TSPAN5: variants seen among roughly 807,000 people sequenced by gnomAD.
TSPAN5 encodes the protein tetraspanin-5.
A neutral mutation model predicts 37.1 loss-of-function variants in TSPAN5; 10 were observed. The observed-to-expected ratio is 0.27, with a 90% CI of 0.17 to 0.46. The LOEUF is 0.46. Among genes scored for constraint, TSPAN5 ranks in the 20% least tolerant of loss-of-function variants. TSPAN5 has a pLI of 1.00. For synonymous variants in TSPAN5, 110 were observed against 118.9 expected, an observed-to-expected ratio of 0.93 and a Z score of 0.48; for missense variants, 195 against 326.6, an observed-to-expected ratio of 0.60 and a Z score of 3.11.
chr4:98,523,513 C>T (rs1753899453), intron 1 of TSPAN5, among the ~76,000 whole-genome samples: 1 of 152,272 alleles, frequency 6.6e-6, no homozygotes, highest in Non-Finnish European at 1.5e-5. Flanking sequence ...CGGCTCACTG[C>T]AACCTCTGCC....
rs10555303 is a variant in TSPAN5, at chr4:98,495,531, C to CA, written c.133-8648dup. 3.5e-3 allele frequency among the ~76,000 whole-genome samples: 458 copies of CA among 130,866 alleles called. 3 individuals are homozygous for CA. The highest frequency in any genetic ancestry group is 8.2e-3 in the African/African-American group (292 of 35,616). 85.9% of individuals were successfully genotyped at this position (130,866 alleles called of 152,430 possible). A position where few individuals can be genotyped will look rare whatever the true frequency, so the allele number is the denominator to read the frequency against. On this transcript the variant is annotated intron_variant, in intron 2 of 7. Coordinates refer to ENST00000305798, the MANE Select transcript of TSPAN5 (RefSeq NM_005723.4). ...CGGGAGACAGAGAGAGCCTCCGTCTCAAAAAAAAAAAAAAAAAAAAGGACA... is the reference window on the plus strand; with the variant it reads ...CGGGAGACAGAGAGAGCCTCCGTCTCAAAAAAAAAAAAAAAAAAAAAGGACA...
chr4:98,497,438 C>T (rs971263746), intron 2 of TSPAN5, among the ~76,000 whole-genome samples: 4 of 152,078 alleles, frequency 2.6e-5, no homozygotes, highest in Admixed American at 2.0e-4. Context: ...CTGAATCTGT[C>T]ACCACCTTGA....
intron 1 of TSPAN5, among the ~76,000 whole-genome samples, chr4:98,571,260 G>A (rs182842328): frequency 3.9e-5 from 6 of 152,186 alleles, no homozygotes; most frequent in Admixed American, 2.0e-4. Context: ...GAAGAACCGC[G>A]TGGACCCTGA....
At chr4:98,650,865 G>A (rs542825619) in intron 1 of TSPAN5, among the ~76,000 whole-genome samples, 1 of 152,296 alleles carries the variant, frequency 6.6e-6, no homozygotes, top group Admixed American at 6.5e-5. Flanking sequence ...AAGAGCACAG[G>A]AGCCAATGTG....
intron 1 of TSPAN5, among the ~76,000 whole-genome samples, chr4:98,608,679 CACA>C (rs1756100498): frequency 6.6e-6 from 1 of 152,110 alleles, no homozygotes; most frequent in Admixed American, 6.5e-5. Flanking sequence ...AAAGAAAATC[CACA>C]ACATGTTGCC....
At chr4:98,640,790 A>G (rs898777607) in intron 1 of TSPAN5, among the ~76,000 whole-genome samples, 3 of 152,108 alleles carry the variant, frequency 2.0e-5, no homozygotes, top group African/African-American at 4.8e-5. Context: ...CACTGACAAC[A>G]CCTTTTCCCA....
chr4:98,547,699 C>T (rs1754499642), intron 1 of TSPAN5, among the ~76,000 whole-genome samples: 1 of 152,108 alleles, frequency 6.6e-6, no homozygotes, highest in African/African-American at 2.4e-5. Flanking sequence ...AGCTACACAT[C>T]CTTACTCAGG....
At chr4:98,587,638 C>G (rs1306496849) in intron 1 of TSPAN5, among the ~76,000 whole-genome samples, 3 of 152,080 alleles carry the variant, frequency 2.0e-5, no homozygotes. Flanking sequence ...GCCTGTAATC[C>G]CAGCACTTTA....
chr4:98,547,615 T>C (rs1189457850), intron 1 of TSPAN5, among the ~76,000 whole-genome samples: 5 of 152,180 alleles, frequency 3.3e-5, no homozygotes, highest in African/African-American at 1.2e-4. Context: ...CTATTTTCTG[T>C]CAGTGTTAAA....
In TSPAN5 at chr4:98,645,768, G is replaced by T. The variant is rs1431154142; in HGVS notation, c.81+12378C>A. Among the ~76,000 whole-genome samples, 3 of 152,336 alleles carry T rather than the reference G, an allele frequency of 2.0e-5. No homozygotes were observed. In the South Asian group the frequency reaches 6.2e-4, roughly 32 times the overall value. On this transcript the variant is annotated intron_variant, in intron 1 of 7. Coordinates refer to ENST00000305798, the MANE Select transcript of TSPAN5 (RefSeq NM_005723.4). ...GAGTCACAACCCATCTGAGGACCATGAGGTTGATTAATGAATCTAAACCAG... is the reference window on the plus strand; with the variant it reads ...GAGTCACAACCCATCTGAGGACCATTAGGTTGATTAATGAATCTAAACCAG...
chr4:98,584,795 A>C (rs1175410913), intron 1 of TSPAN5, among the ~76,000 whole-genome samples: 1 of 152,248 alleles, frequency 6.6e-6, no homozygotes, highest in Non-Finnish European at 1.5e-5. Context: ...ACTTCAGAAA[A>C]GATGGAGTGA....
chr4:98,606,519 A>C (rs1055232482), intron 1 of TSPAN5, among the ~76,000 whole-genome samples: 1 of 152,214 alleles, frequency 6.6e-6, no homozygotes, highest in South Asian at 2.1e-4. Flanking sequence ...GTGTCTAAAT[A>C]TTTGACTTCC....
intron 1 of TSPAN5, among the ~76,000 whole-genome samples, chr4:98,618,462 A>G (rs1279393426): frequency 2.6e-5 from 4 of 152,378 alleles, no homozygotes; most frequent in East Asian, 3.9e-4. Context: ...TTACATTTGT[A>G]TAATAGCAGT....
chr4:98,657,261 C>G (rs941235872), intron 1 of TSPAN5, among the ~76,000 whole-genome samples: 1 of 152,062 alleles, frequency 6.6e-6, no homozygotes, highest in African/African-American at 2.4e-5. Flanking sequence ...CAATAGGTTC[C>G]CAACACATTG....
intron 2 of TSPAN5, among the ~76,000 whole-genome samples, chr4:98,501,784 T>G (rs1216038447): frequency 6.6e-6 from 1 of 151,866 alleles, no homozygotes; most frequent in East Asian, 1.9e-4. Context: ...TGGCTTTGAG[T>G]GAGAAGATAA....
At chr4:98,634,258 G>C (rs1436258695) in intron 1 of TSPAN5, among the ~76,000 whole-genome samples, 1 of 152,156 alleles carries the variant, frequency 6.6e-6, no homozygotes, top group East Asian at 1.9e-4. Context: ...GGGCTTGACT[G>C]GCAGGGAGTG....
intron 1 of TSPAN5, among the ~76,000 whole-genome samples, chr4:98,570,386 G>A (rs1315682530): frequency 6.6e-6 from 1 of 152,138 alleles, no homozygotes; most frequent in Non-Finnish European, 1.5e-5. Context: ...CATACGTAAG[G>A]CACTGCCTAC....
intron 2 of TSPAN5, among the ~76,000 whole-genome samples, chr4:98,493,241 C>G (rs1364773061): frequency 6.6e-6 from 1 of 152,164 alleles, no homozygotes; most frequent in African/African-American, 2.4e-5. Context: ...CTCTTCTGTA[C>G]CTGTTTATGC....
At chr4:98,547,676 A>G (rs933116919) in intron 1 of TSPAN5, among the ~76,000 whole-genome samples, 7 of 152,236 alleles carry the variant, frequency 4.6e-5, no homozygotes, top group Admixed American at 4.6e-4. Flanking sequence ...ATCTCCTTTG[A>G]GCATCTAATG....
Sources: gnomAD v4.1 joint callset for allele counts (sites outside exome capture counted in the v4.1 genomes callset) on GRCh38, gnomAD v4.1.1 for gene constraint, MANE v1.5 for transcripts, NCBI Gene and HGNC (gene_info 2026-07-23, HGNC 2026-07-21) for gene names.